Variants in TTC39B observed in about 807,000 individuals in gnomAD.
TTC39B encodes the protein tetratricopeptide repeat domain 39B.
Under a neutral mutation model 96.6 loss-of-function variants are expected in TTC39B, and 92 were observed. That is an observed-to-expected ratio of 0.95 (90% confidence interval 0.80 to 1.13). The LOEUF is 1.13. Ranked by LOEUF, TTC39B falls within the 50% of genes most tolerant of loss-of-function variation. The probability of loss-of-function intolerance (pLI) is 0.00; values close to 1 mark genes in which losing one functional copy is unlikely to be tolerated. For synonymous variants in TTC39B, 367 were observed against 299.4 expected (o/e 1.23, Z -2.33); for missense variants, 955 against 809.3 (o/e 1.18, Z -2.18).
Position 15,175,155 on chromosome 9 carries a change from T to C in TTC39B, c.1842-20A>G. The C allele has an allele frequency of 6.6e-7, 1 of 1,507,144 alleles. No homozygotes were observed. The highest frequency in any genetic ancestry group is 9.2e-7 in the Non-Finnish European group (1 of 1,085,304). 93.4% of individuals were successfully genotyped at this position (1,507,144 alleles called of 1,614,324 possible). On this transcript the variant is annotated intron_variant, in intron 18 of 19. Transcript: ENST00000512701. ...TTTTCACTGAAAGAGCAGAGGAAAA[T>C]CAAGTAAATCTTAACAGAACAAGAA...
intron 17 of TTC39B, among the ~76,000 whole-genome samples, chr9:15,179,903 C>A (rs574579143): frequency 1.3e-5 from 2 of 152,250 alleles, no homozygotes; most frequent in East Asian, 3.9e-4. Context: ...CCTCCAAAAA[C>A]CTTAGATGGC....
chr9:15,291,371 CTCTT>C (rs1824183964), intron 1 of TTC39B, among the ~76,000 whole-genome samples: 1 of 152,204 alleles, frequency 6.6e-6, no homozygotes, highest in South Asian at 2.1e-4. Flanking sequence ...TACAAGCTCT[CTCTT>C]TGCCTGCTGC....
At chr9:15,233,336 C>G (rs529663775) in intron 2 of TTC39B, among the ~76,000 whole-genome samples, 3 of 152,068 alleles carry the variant, frequency 2.0e-5, no homozygotes, top group South Asian at 4.1e-4. Flanking sequence ...CGCCCTCTCC[C>G]TCTCCCTCTC....
At chr9:15,193,769 T>C (rs79314319) in intron 8 of TTC39B, among the ~76,000 whole-genome samples, 3,674 of 152,332 alleles carry the variant, frequency 0.024, 159 homozygotes, top group African/African-American at 0.084. Flanking sequence ...ATTTCTAAGG[T>C]ATTTTTGCCA....
At chr9:15,167,588 A>G (rs1450072322) in exon 20 of TTC39B, 1 of 152,168 alleles carries the variant, frequency 6.6e-6, no homozygotes, top group African/African-American at 2.4e-5. Context: ...CCCCATCTCT[A>G]CTAAAAATAC....
At chr9:15,229,074 C>T (rs1821285512) in intron 2 of TTC39B, among the ~76,000 whole-genome samples, 1 of 152,152 alleles carries the variant, frequency 6.6e-6, no homozygotes, top group Non-Finnish European at 1.5e-5. Context: ...AGACATAACC[C>T]ATTTATTGAA....
chr9:15,180,528 A>G (rs1037426959), intron 17 of TTC39B, among the ~76,000 whole-genome samples: 1 of 152,194 alleles, frequency 6.6e-6, no homozygotes, highest in Non-Finnish European at 1.5e-5. Context: ...GATCAGTTGT[A>G]TCCTCTACCA....
intron 1 of TTC39B, among the ~76,000 whole-genome samples, chr9:15,271,916 GGA>G (rs1250673547): frequency 6.6e-6 from 1 of 152,058 alleles, no homozygotes; most frequent in Non-Finnish European, 1.5e-5. Context: ...AATTATACTT[GGA>G]CCCGGAGATG....
chr9:15,217,538 G>C (rs927391099), intron 3 of TTC39B, among the ~76,000 whole-genome samples: 4 of 152,170 alleles, frequency 2.6e-5, no homozygotes, highest in Non-Finnish European at 4.4e-5. Flanking sequence ...CATGGGTTCT[G>C]TAAGGAATGA....
intron 2 of TTC39B, among the ~76,000 whole-genome samples, chr9:15,255,665 T>C (rs1261805632): frequency 6.6e-6 from 1 of 152,018 alleles, no homozygotes; most frequent in Non-Finnish European, 1.5e-5. Context: ...CCTTTAAGAT[T>C]CTGACACTCA....
intron 1 of TTC39B, among the ~76,000 whole-genome samples, chr9:15,288,985 C>A (rs1329120685): frequency 6.6e-6 from 1 of 152,234 alleles, no homozygotes; most frequent in African/African-American, 2.4e-5. Flanking sequence ...AATGTGAACA[C>A]CCCAGACCTC....
chr9:15,200,175 G>C (rs1031151159), intron 7 of TTC39B, among the ~76,000 whole-genome samples: 1 of 152,126 alleles, frequency 6.6e-6, no homozygotes, highest in Non-Finnish European at 1.5e-5. Flanking sequence ...ATATTACTAA[G>C]GAGGTAATCC....
At chr9:15,307,011 G>C (rs1472850713) in intron 1 of TTC39B, 73 bp downstream of exon 1, 47 of 1,563,518 alleles carry the variant, frequency 3.0e-5, no homozygotes, top group African/African-American at 6.8e-5. Context: ...CGTCCTAGCC[G>C]GGCTCACTCT....
rs112995149 is a variant in TTC39B at position 15,281,766 on chromosome 9, C to A, written c.241-13818G>T. On this transcript the variant is annotated intron_variant, in intron 1 of 19. Coordinates refer to ENST00000512701, the Ensembl canonical transcript of TTC39B. ...ATCTAGGCTCACTGCAATCTCCGCCCCCAGGTTCAAGCAATTCTCCCACTT... is the reference window on the plus strand; with the variant it reads ...ATCTAGGCTCACTGCAATCTCCGCCACCAGGTTCAAGCAATTCTCCCACTT... Among the ~76,000 whole-genome samples the A allele has an allele frequency of 6.8e-3, 1,028 of 152,036 alleles. 7 individuals are homozygous for A. Among genetic ancestry groups the A allele is most frequent in the Non-Finnish European group, 9.9e-3 (675 of 67,976 alleles).
At chr9:15,294,483 C>A (rs947970296) in intron 1 of TTC39B, among the ~76,000 whole-genome samples, 5 of 152,334 alleles carry the variant, frequency 3.3e-5, no homozygotes, top group African/African-American at 1.2e-4. Context: ...GTGTCAGCGA[C>A]CAAATGCTGT....
At chr9:15,199,861 T>A (rs1314701325) in exon 8 of TTC39B, 3 of 1,506,218 alleles carry the variant, frequency 2.0e-6, no homozygotes, top group Non-Finnish European at 2.7e-6. Flanking sequence ...TTTAACTTAC[T>A]TATATATTTG....
intron 2 of TTC39B, among the ~76,000 whole-genome samples, chr9:15,252,120 A>T (rs1822583420): frequency 6.6e-6 from 1 of 152,206 alleles, no homozygotes; most frequent in Non-Finnish European, 1.5e-5. Context: ...TTTTCAAGGA[A>T]GGAAAAGAGA....
At chr9:15,267,477 A>G (rs1217531702) in intron 2 of TTC39B, among the ~76,000 whole-genome samples, 1 of 152,250 alleles carries the variant, frequency 6.6e-6, no homozygotes, top group Non-Finnish European at 1.5e-5. Flanking sequence ...ATGTCTAACA[A>G]TGGAGAAGCA....
intron 9 of TTC39B, among the ~76,000 whole-genome samples, chr9:15,192,370 C>T (rs1212468681): frequency 6.6e-6 from 1 of 152,184 alleles, no homozygotes; most frequent in East Asian, 1.9e-4. Context: ...ATTCAGAGTA[C>T]CACACGCTTC....
Sources: gnomAD v4.1 joint callset for allele counts (sites outside exome capture counted in the v4.1 genomes callset) on GRCh38, gnomAD v4.1.1 for gene constraint, MANE v1.5 for transcripts, NCBI Gene and HGNC (gene_info 2026-07-23, HGNC 2026-07-21) for gene names.